Variants in PPP2R2C observed in about 807,000 individuals in gnomAD.
PPP2R2C encodes the protein protein phosphatase 2, regulatory subunit B, gamma.
In PPP2R2C, 10 loss-of-function variants were observed where a neutral mutation model predicts 45.3. That is an observed-to-expected ratio of 0.22 (90% CI 0.14 to 0.37). The LOEUF is 0.37. Among genes scored for constraint, PPP2R2C ranks in the 10% least tolerant of loss-of-function variants. PPP2R2C has a pLI of 1.00. For missense variants in PPP2R2C, 308 were observed against 619.7 expected (o/e 0.50, Z 5.34); for synonymous variants, 257 against 245.4 (o/e 1.05, Z -0.44).
chr4:6,364,091 C>T lies in PPP2R2C; in HGVS notation c.625+8432G>A, dbSNP rs112851864. Among the ~76,000 whole-genome samples, 13,614 of 152,120 alleles carry T rather than the reference C, an allele frequency of 0.089. 1,362 individuals are homozygous for T. The highest frequency in any genetic ancestry group is 0.24 in the African/African-American group (10,051 of 41,432). On this transcript the variant is annotated intron_variant, in intron 5 of 8. Transcript: ENST00000382599. This position sits in a 1 kb window ranked among gnomAD's most constrained non-coding sequence, Gnocchi z 5.3. The stretch of plus-strand genomic sequence containing the variant: ...AAGCTGCCAGTCCAGGAGGGAGAGG[C>T]GGGAAATGAACAGGGAACGAGGTAG...
At chr4:6,370,899 T>C (rs1170101624) in intron 5 of PPP2R2C, among the ~76,000 whole-genome samples, 3 of 152,198 alleles carry the variant, frequency 2.0e-5, no homozygotes, top group African/African-American at 7.2e-5. Flanking sequence ...AAATCTGAGC[T>C]TCAAGCCTTC....
At chr4:6,512,786 T>C (rs1560595894) in intron 2 of PPP2R2C, among the ~76,000 whole-genome samples, 1 of 151,956 alleles carries the variant, frequency 6.6e-6, no homozygotes, top group East Asian at 1.9e-4. Flanking sequence ...AATGATATAA[T>C]GTACATAACA....
intron 6 of PPP2R2C, among the ~76,000 whole-genome samples, chr4:6,338,942 G>A (rs957247265): frequency 2.0e-5 from 3 of 152,246 alleles, no homozygotes; most frequent in African/African-American, 7.2e-5. Context: ...GATCTTCAGA[G>A]GTCATGCCTG....
At chr4:6,463,358 G>A (rs994424704) in intron 1 of PPP2R2C, among the ~76,000 whole-genome samples, 3 of 152,128 alleles carry the variant, frequency 2.0e-5, no homozygotes, top group South Asian at 2.1e-4. Flanking sequence ...TGGTCCTGAG[G>A]AGGGGTGGGG....
At chr4:6,553,239 C>A (rs1441983361) in intron 1 of PPP2R2C, among the ~76,000 whole-genome samples, 12 of 152,244 alleles carry the variant, frequency 7.9e-5, no homozygotes, top group African/African-American at 2.9e-4. Flanking sequence ...TCCTGCCCTG[C>A]AAGCTCTGAC....
chr4:6,464,997 A>G (rs1721521580), intron 1 of PPP2R2C, among the ~76,000 whole-genome samples: 2 of 152,152 alleles, frequency 1.3e-5, no homozygotes, highest in South Asian at 4.1e-4. Flanking sequence ...ATGATGACAC[A>G]TGTATCACAG....
At chr4:6,480,724 G>T (rs962001630) in intron 2 of PPP2R2C, among the ~76,000 whole-genome samples, 1 of 152,132 alleles carries the variant, frequency 6.6e-6, no homozygotes, top group Non-Finnish European at 1.5e-5. Flanking sequence ...TTCCTTCTGG[G>T]TCATGCATAC....
chr4:6,503,437 T>G (rs1723123011), intron 2 of PPP2R2C, among the ~76,000 whole-genome samples: 1 of 152,228 alleles, frequency 6.6e-6, no homozygotes, highest in Admixed American at 6.5e-5. Context: ...TTTCTTGGCC[T>G]TCTTTTTCTC....
At chr4:6,425,803 C>T (rs1408408940) in intron 1 of PPP2R2C, among the ~76,000 whole-genome samples, 2 of 150,642 alleles carry the variant, frequency 1.3e-5, no homozygotes, top group African/African-American at 2.4e-5. Flanking sequence ...GGCCCAGAAT[C>T]GATGCTTGGC....
At position 6,407,386 on chromosome 4, in the gene PPP2R2C, C is replaced by CA. The variant is rs1717866206; in HGVS notation, c.71-26293dup. The stretch of plus-strand genomic sequence containing the variant: ...TTATGAGCATTTATTGCTAGAAACC[C>CA]AACTGGTTTTTTTGTTTGTTTGTTT... On this transcript the variant is annotated intron_variant, in intron 1 of 8. Transcript: ENST00000382599. 3.3e-5 allele frequency among the ~76,000 whole-genome samples: 5 copies of CA among 152,172 alleles called. No individual in the cohort carries two copies. In the East Asian group the frequency reaches 9.7e-4, roughly 29 times the overall value.
At chr4:6,358,652 A>G (rs1560477472) in intron 5 of PPP2R2C, among the ~76,000 whole-genome samples, 1 of 152,226 alleles carries the variant, frequency 6.6e-6, no homozygotes, top group African/African-American at 2.4e-5. Flanking sequence ...TTACAAAAAA[A>G]AAATCAAACA....
At chr4:6,367,516 C>T (rs1394603104) in intron 5 of PPP2R2C, among the ~76,000 whole-genome samples, 2 of 152,164 alleles carry the variant, frequency 1.3e-5, no homozygotes, top group Non-Finnish European at 2.9e-5. Context: ...AGCCAGAATC[C>T]ACCCCACTGA....
At chr4:6,384,832 G>A in intron 1 of PPP2R2C, 1 of 985,462 alleles carries the variant, frequency 1.0e-6, no homozygotes, top group Non-Finnish European at 1.2e-6. Flanking sequence ...CCCTCCATGA[G>A]AGACTACGCC....
intron 5 of PPP2R2C, among the ~76,000 whole-genome samples, chr4:6,360,838 C>T (rs576244831): frequency 7.9e-5 from 12 of 152,258 alleles, no homozygotes; most frequent in South Asian, 2.1e-4. Flanking sequence ...TCCAATAACA[C>T]GGTGTTAGCA....
intron 1 of PPP2R2C, among the ~76,000 whole-genome samples, chr4:6,394,699 G>A (rs139532686): frequency 3.4e-4 from 52 of 152,338 alleles, no homozygotes; most frequent in African/African-American, 1.1e-3. Context: ...TCTCAGCCGG[G>A]CCAGATGGCC....
chr4:6,419,208 G>C (rs977712776), intron 1 of PPP2R2C, among the ~76,000 whole-genome samples: 2 of 152,120 alleles, frequency 1.3e-5, no homozygotes, highest in East Asian at 1.9e-4. Context: ...ACCTGAGGTA[G>C]GGAGTTCGAG....
intron 1 of PPP2R2C, among the ~76,000 whole-genome samples, chr4:6,389,404 G>A (rs1017906047): frequency 2.0e-5 from 3 of 152,212 alleles, no homozygotes; most frequent in Non-Finnish European, 4.4e-5. Context: ...AGCCCAGCTC[G>A]AGCCTTCTGA....
At chr4:6,406,586 T>C (rs1368195624) in intron 1 of PPP2R2C, among the ~76,000 whole-genome samples, 2 of 133,290 alleles carry the variant, frequency 1.5e-5, no homozygotes, top group Non-Finnish European at 3.1e-5. Flanking sequence ...CTGTCTCTAC[T>C]AAAGAAAAAG....
intron 5 of PPP2R2C, among the ~76,000 whole-genome samples, chr4:6,366,659 G>A (rs991248132): frequency 1.3e-5 from 2 of 152,176 alleles, no homozygotes; most frequent in East Asian, 3.9e-4. Context: ...CCAGATAATG[G>A]GCTGTGAGAT....
Sources: gnomAD v4.1 joint callset for allele counts (sites outside exome capture counted in the v4.1 genomes callset) on GRCh38, gnomAD v4.1.1 for gene constraint, Gnocchi (gnomAD v3.1) non-coding constraint, MANE v1.5 for transcripts, NCBI Gene and HGNC (gene_info 2026-07-23, HGNC 2026-07-21) for gene names.